HDAC9: variants seen among roughly 807,000 people sequenced by gnomAD.
HDAC9 encodes MEF-2 interacting transcription repressor (MITR) protein.
In HDAC9, 41 loss-of-function variants were observed where a neutral mutation model predicts 139.4. The ratio of observed to expected loss-of-function variants is 0.29; its 90% CI spans 0.23 to 0.38. The LOEUF (loss-of-function observed/expected upper bound fraction) is 0.38, where lower values mean the gene tolerates loss of function less well. Ranked by LOEUF, HDAC9 falls within the 10% of genes least tolerant of loss-of-function variation. The pLI, the probability that HDAC9 is intolerant of heterozygous loss-of-function variation, is 1.00. For missense variants in HDAC9, 1,147 were observed against 1,297.0 expected (o/e 0.88, Z 1.78); for synonymous variants, 517 against 476.2 (o/e 1.09, Z -1.12).
At chr7:18,337,376 C>G (rs1376849066) in intron 1 of HDAC9, among the ~76,000 whole-genome samples, 1 of 151,638 alleles carries the variant, frequency 6.6e-6, no homozygotes, top group Admixed American at 6.6e-5. Context: ...ATTTTTCTAG[C>G]TAAATCAACT....
intron 12 of HDAC9, among the ~76,000 whole-genome samples, chr7:18,705,625 C>T (rs1237536617): frequency 6.6e-6 from 1 of 151,854 alleles, no homozygotes; most frequent in Non-Finnish European, 1.5e-5. Flanking sequence ...CCGAAACGGG[C>T]AGATTGCTCG....
intron 16 of HDAC9, among the ~76,000 whole-genome samples, chr7:18,792,266 T>A (rs1157660126): frequency 5.7e-4 from 84 of 147,832 alleles, no homozygotes; most frequent in East Asian, 2.1e-3. Context: ...TCTTTTTTTT[T>A]TAAAAAAAAA....
intron 2 of HDAC9, among the ~76,000 whole-genome samples, chr7:18,513,499 C>T (rs1201355085): frequency 2.6e-5 from 4 of 152,130 alleles, no homozygotes; most frequent in African/African-American, 4.8e-5. Flanking sequence ...GCCTGAGTGA[C>T]TAGAAGAGCC....
At chr7:18,764,916 A>G (rs1473038920) in intron 15 of HDAC9, among the ~76,000 whole-genome samples, 1 of 152,190 alleles carries the variant, frequency 6.6e-6, no homozygotes. Context: ...AGACATCTAT[A>G]GATGATAAAA....
intron 23 of HDAC9, chr7:18,948,780 C>T (rs149170836): frequency 5.5e-6 from 1 of 182,348 alleles, no homozygotes; most frequent in African/African-American, 2.4e-5. Flanking sequence ...ACCTGGACAA[C>T]ATTTATCAGA....
chr7:18,989,690 C>G (rs1343391672), intron 25 of HDAC9, among the ~76,000 whole-genome samples: 1 of 148,378 alleles, frequency 6.7e-6, no homozygotes, highest in Non-Finnish European at 1.5e-5. Flanking sequence ...TTCAGGTACA[C>G]CAATCAGACG....
At chr7:18,885,065 C>A (rs1349337499) in intron 22 of HDAC9, among the ~76,000 whole-genome samples, 1 of 152,176 alleles carries the variant, frequency 6.6e-6, no homozygotes, top group Non-Finnish European at 1.5e-5. Flanking sequence ...TCAAGCAATA[C>A]GTTGGGAATT....
At position 18,734,422 on chromosome 7, in the gene HDAC9, C is replaced by T. The variant is rs188459763; in HGVS notation, c.1909+6665C>T. 2.7e-3 allele frequency among the ~76,000 whole-genome samples: 413 copies of T among 152,202 alleles called. 2 individuals are homozygous for T. The highest frequency in any genetic ancestry group is 9.5e-3 in the African/African-American group (394 of 41,508). ...AGGCCCTGGTGTGTGATGATCCCCG[C>T]CCTGAGTCCAAGTGTTCTCACTGTT... On this transcript the variant is annotated intron_variant, in intron 13 of 25. Transcript: ENST00000686413.
chr7:18,729,641 C>A (rs1785859936), intron 13 of HDAC9, among the ~76,000 whole-genome samples: 1 of 151,818 alleles, frequency 6.6e-6, no homozygotes, highest in Non-Finnish European at 1.5e-5. Flanking sequence ...CTACCCTGAT[C>A]ATTCAAACAA....
intron 1 of HDAC9, among the ~76,000 whole-genome samples, chr7:18,425,954 C>A (rs1790077474): frequency 6.6e-6 from 1 of 152,164 alleles, no homozygotes; most frequent in East Asian, 1.9e-4. Flanking sequence ...GAGGACACAA[C>A]AGAAGAGAGA....
intron 16 of HDAC9, among the ~76,000 whole-genome samples, chr7:18,774,056 A>G (rs896075450): frequency 1.3e-5 from 2 of 152,082 alleles, no homozygotes; most frequent in African/African-American, 2.4e-5. Context: ...ATAAGCAGGC[A>G]GTTCACAGCA....
intron 2 of HDAC9, among the ~76,000 whole-genome samples, chr7:18,180,254 CA>C (rs1388419441): frequency 6.6e-6 from 1 of 150,892 alleles, no homozygotes; most frequent in Non-Finnish European, 1.5e-5. Context: ...CACACACACA[CA>C]CACACACACA....
At chr7:18,327,248 T>C (rs1800524119) in intron 1 of HDAC9, among the ~76,000 whole-genome samples, 1 of 151,882 alleles carries the variant, frequency 6.6e-6, no homozygotes, top group East Asian at 1.9e-4. Context: ...TTTCTTATGA[T>C]GAGCAGTTAC....
intron 2 of HDAC9, among the ~76,000 whole-genome samples, chr7:18,221,686 A>T (rs962480781): frequency 2.6e-5 from 4 of 152,172 alleles, no homozygotes; most frequent in Non-Finnish European, 5.9e-5. Flanking sequence ...GGCAGGAGAA[A>T]TAAGGACTAA....
At chr7:18,617,370 A>C (rs1203130883) in intron 6 of HDAC9, among the ~76,000 whole-genome samples, 3 of 152,080 alleles carry the variant, frequency 2.0e-5, no homozygotes, top group Non-Finnish European at 4.4e-5. Flanking sequence ...CCACTACCTC[A>C]TACCCCTTTG....
In HDAC9 at chr7:18,894,533, T is replaced by C. The variant is rs76017117; in HGVS notation, c.2803+19937T>C. 6.7e-3 allele frequency among the ~76,000 whole-genome samples: 1,024 copies of C among 152,142 alleles called. 15 individuals carry two copies. Among genetic ancestry groups the C allele is most frequent in the African/African-American group, 0.023 (972 of 41,510 alleles). On this transcript the variant is annotated intron_variant, in intron 22 of 25. Transcript: ENST00000686413. ...CAGGCCACTTCTGACCTAGACAAGA[T>C]AAGGAGTTTGATGAGTTAAAAGCCT...
At chr7:18,886,382 A>G (rs1800154391) in intron 22 of HDAC9, among the ~76,000 whole-genome samples, 3 of 152,244 alleles carry the variant, frequency 2.0e-5, no homozygotes, top group African/African-American at 7.2e-5. Flanking sequence ...AAAAGAAAAT[A>G]TGTAAGCAGA....
At chr7:18,328,757 TA>T (rs1800667578) in intron 1 of HDAC9, among the ~76,000 whole-genome samples, 2 of 151,896 alleles carry the variant, frequency 1.3e-5, no homozygotes, top group African/African-American at 2.4e-5. Context: ...GCCTGTAGTT[TA>T]TTTATTTATT....
chr7:18,684,727 A>G (rs1052322360), intron 12 of HDAC9, among the ~76,000 whole-genome samples: 5 of 151,960 alleles, frequency 3.3e-5, no homozygotes, highest in Non-Finnish European at 5.9e-5. Flanking sequence ...CCCAAGAGAC[A>G]GTTGGTTTAT....
Sources: gnomAD v4.1 joint callset for allele counts (sites outside exome capture counted in the v4.1 genomes callset) on GRCh38, gnomAD v4.1.1 for gene constraint, MANE v1.5 for transcripts, NCBI Gene and HGNC (gene_info 2026-07-23, HGNC 2026-07-21) for gene names.